The following LTBP1 variants were observed in gnomAD, a reference collection of about 807,000 sequenced individuals.
The protein encoded by LTBP1 is latent-transforming growth factor beta-binding protein 1.
LTBP1 carries 129 observed loss-of-function variants against 207.6 expected under a neutral mutation model. The observed-to-expected ratio is 0.62, with a 90% CI of 0.54 to 0.72. LTBP1 has a LOEUF of 0.72. LTBP1 is among the 30% of genes least tolerant of loss of function. The pLI is 0.00. For missense variants in LTBP1, 2,281 were observed against 2,217.2 expected, an observed-to-expected ratio of 1.03 and a Z score of -0.58; for synonymous variants, 963 against 833.7, an observed-to-expected ratio of 1.16 and a Z score of -2.67.
intron 3 of LTBP1, among the ~76,000 whole-genome samples, chr2:33,042,994 C>T (rs1029297472): frequency 1.3e-5 from 2 of 152,196 alleles, no homozygotes; most frequent in Admixed American, 6.5e-5. Flanking sequence ...ACCTGCACCC[C>T]AGCACTGTCT....
rs557154285 is a variant in LTBP1, at chr2:33,222,449, C to A, written c.1876+298C>A. 2.0e-5 allele frequency among the ~76,000 whole-genome samples: 3 copies of A among 152,296 alleles called. No homozygotes were observed. In the South Asian group the frequency reaches 6.2e-4, roughly 32 times the overall value. ...GTTTCCATGCTAGTCACCTCATATC[C>A]TTTCATGGGCGTGTGCACACATGTG... On this transcript the variant is annotated intron_variant, in intron 9 of 33. Transcript: ENST00000404816.
chr2:33,081,773 G>A (rs1265087100), intron 3 of LTBP1, among the ~76,000 whole-genome samples: 1 of 152,068 alleles, frequency 6.6e-6, no homozygotes, highest in East Asian at 1.9e-4. Flanking sequence ...GGAGGTAATT[G>A]AATCATGGGG....
intron 5 of LTBP1, among the ~76,000 whole-genome samples, chr2:33,179,425 C>A (rs550326511): frequency 1.3e-5 from 2 of 151,794 alleles, no homozygotes; most frequent in East Asian, 3.9e-4. Flanking sequence ...TGTATTTTTA[C>A]ATCTGATGTC....
chr2:33,110,744 T>C lies in LTBP1; in HGVS notation c.1026T>C (p.Pro342=). 6.2e-7 allele frequency: 1 copy of C among 1,613,192 alleles called. No homozygotes were observed. The highest frequency in any genetic ancestry group is 8.5e-7 in the Non-Finnish European group (1 of 1,179,460). ...ATGTGCAGGATCAAGTTGCGGCACC[T>C]TTTCAGCGTGAGTATAGTCTTATCA... is the stretch of plus-strand genomic sequence containing the variant. ...LRYVQDQVAA[P]FQLSNHTGRI... is the part of the protein sequence containing the mutation. Residue 342 remains proline (P), a synonymous_variant, in exon 4 of 34, where the codon CCT becomes CCC. Coordinates refer to ENST00000404816, the MANE Select transcript of LTBP1 (RefSeq NM_206943.4).
chr2:33,336,302 T>A lies in LTBP1; in HGVS notation c.3731-6536T>A, dbSNP rs187901301. 2.1e-3 allele frequency among the ~76,000 whole-genome samples: 324 copies of A among 152,296 alleles called. 1 individual carries two copies. Among genetic ancestry groups the A allele is most frequent in the African/African-American group, 7.5e-3 (313 of 41,556 alleles). On this transcript the variant is annotated intron_variant, in intron 24 of 33. Transcript: ENST00000404816. The stretch of plus-strand genomic sequence containing the variant: ...TTCATCATCTAGGACTAACCTTTTT[T>A]AACTATCATCATGGTGACAGGTAAG...
chr2:33,396,340 C>G lies in LTBP1; in HGVS notation c.4835-793C>G, dbSNP rs190996918. The stretch of plus-strand genomic sequence containing the variant: ...GGCTCAAGCGATTCTTCTGCCTCAG[C>G]CTCCCAAGTAGCTGGGATTACAGGT... On this transcript the variant is annotated intron_variant, in intron 32 of 33. Coordinates refer to ENST00000404816, the MANE Select transcript of LTBP1 (RefSeq NM_206943.4). Among the ~76,000 whole-genome samples, 297 of 152,258 alleles carry G rather than the reference C, an allele frequency of 2.0e-3. 2 individuals carry two copies. The highest frequency in any genetic ancestry group is 6.8e-3 in the African/African-American group (282 of 41,548).
At chr2:32,991,849 TC>T (rs1684470340) in intron 2 of LTBP1, among the ~76,000 whole-genome samples, 1 of 152,162 alleles carries the variant, frequency 6.6e-6, no homozygotes, top group South Asian at 2.1e-4. Flanking sequence ...ACTCACTCCC[TC>T]ATGACCAATC....
intron 2 of LTBP1, among the ~76,000 whole-genome samples, chr2:32,991,025 T>C (rs1185835270): frequency 2.6e-5 from 4 of 152,204 alleles, no homozygotes; most frequent in Admixed American, 6.5e-5. Context: ...ACACAGTTAA[T>C]AGAGAGAGCT....
intron 3 of LTBP1, among the ~76,000 whole-genome samples, chr2:33,067,651 T>C (rs1042166724): frequency 1.3e-5 from 2 of 152,202 alleles, no homozygotes; most frequent in Non-Finnish European, 2.9e-5. Context: ...GCATTTACAT[T>C]GTATTAGGTA....
chr2:32,950,894 A>G (rs1478664259), intron 2 of LTBP1, among the ~76,000 whole-genome samples: 5 of 152,282 alleles, frequency 3.3e-5, no homozygotes, highest in Non-Finnish European at 4.4e-5. Context: ...CGGGGATCCA[A>G]AGATGTTCTA....
intron 2 of LTBP1, among the ~76,000 whole-genome samples, chr2:32,989,526 C>G (rs541102596): frequency 2.0e-5 from 3 of 152,186 alleles, no homozygotes; most frequent in Non-Finnish European, 4.4e-5. Flanking sequence ...ATGCTTTACT[C>G]TGACCCGTGG....
chr2:33,145,783 T>A (rs960395139), intron 5 of LTBP1, among the ~76,000 whole-genome samples: 1 of 152,192 alleles, frequency 6.6e-6, no homozygotes, highest in East Asian at 1.9e-4. Flanking sequence ...GGTAAATAGA[T>A]GAATAAGTAT....
At chr2:33,086,290 C>A (rs556264933) in intron 3 of LTBP1, among the ~76,000 whole-genome samples, 2 of 152,192 alleles carry the variant, frequency 1.3e-5, no homozygotes, top group African/African-American at 4.8e-5. Flanking sequence ...CTCAGGCTAC[C>A]GGGTGGGTAC....
At chr2:33,081,947 G>A (rs959725454) in intron 3 of LTBP1, among the ~76,000 whole-genome samples, 2 of 152,112 alleles carry the variant, frequency 1.3e-5, no homozygotes, top group African/African-American at 2.4e-5. Flanking sequence ...GTTTCCTGAG[G>A]CCTCCCCAGC....
chr2:33,091,362 A>G (rs1170180133), intron 3 of LTBP1, among the ~76,000 whole-genome samples: 1 of 152,164 alleles, frequency 6.6e-6, no homozygotes, highest in Non-Finnish European at 1.5e-5. Flanking sequence ...TAGTAGTAAC[A>G]GAGACCCTTT....
chr2:33,293,390 C>T (rs1449728160), intron 20 of LTBP1, 108 bp downstream of exon 20: 17 of 1,155,060 alleles, frequency 1.5e-5, no homozygotes, highest in African/African-American at 3.2e-5. Context: ...TTATTTTGAC[C>T]GAGCGACTTA....
chr2:32,968,541 A>G (rs528278285), intron 2 of LTBP1, among the ~76,000 whole-genome samples: 1 of 152,214 alleles, frequency 6.6e-6, no homozygotes, highest in Non-Finnish European at 1.5e-5. Flanking sequence ...TGTAGACAAC[A>G]TATTGTTGGG....
intron 26 of LTBP1, among the ~76,000 whole-genome samples, chr2:33,351,105 C>G (rs1459475490): frequency 6.6e-6 from 1 of 152,154 alleles, no homozygotes; most frequent in Admixed American, 6.6e-5. Context: ...CTTCACTTTA[C>G]TCAATAATTT....
At chr2:33,086,582 C>T (rs756012015) in intron 3 of LTBP1, among the ~76,000 whole-genome samples, 27 of 152,124 alleles carry the variant, frequency 1.8e-4, no homozygotes, top group Non-Finnish European at 3.5e-4. Flanking sequence ...GTGTCGTGTT[C>T]TCATTTATTT....
Sources: allele counts gnomAD v4.1 joint callset (sites outside exome capture counted in the v4.1 genomes callset), GRCh38; gene constraint gnomAD v4.1.1; transcripts MANE v1.5; gene names NCBI Gene and HGNC (gene_info 2026-07-23, HGNC 2026-07-21).